USP15: variants seen among roughly 807,000 people sequenced by gnomAD.
USP15 encodes ubiquitin specific peptidase 15.
Under a neutral mutation model 127.1 loss-of-function variants are expected in USP15, and 18 were observed. That is an observed-to-expected ratio of 0.14 (90% CI 0.10 to 0.21). The LOEUF is 0.21. Among genes scored for constraint, USP15 ranks in the 10% least tolerant of loss-of-function variants. The pLI, the probability that USP15 is intolerant of heterozygous loss-of-function variation, is 1.00. For synonymous variants in USP15, 364 were observed against 393.7 expected (o/e 0.92, Z 0.89); for missense variants, 805 against 1,159.9 (o/e 0.69, Z 4.44).
At chr12:62,282,816 G>A (rs1241414316) in intron 1 of USP15, among the ~76,000 whole-genome samples, 2 of 152,160 alleles carry the variant, frequency 1.3e-5, no homozygotes, top group Admixed American at 6.5e-5. Context: ...GGAGGCTACT[G>A]TATAACTGTA....
chr12:62,406,582 A>G lies in USP15; in HGVS notation c.*2207A>G, dbSNP rs2137691681. On this transcript the variant is annotated 3_prime_UTR_variant, in exon 22 of 22. Transcript: ENST00000280377. ...AAGTGATGTTAATAATGCCATTGAA[A>G]CTGCCAAACTCAAATGTCATTTTTC... 6.6e-6 allele frequency: 1 copy of G among 152,336 alleles called. No individual in the cohort carries two copies. The highest frequency in any genetic ancestry group is 1.9e-4 in the East Asian group (1 of 5,184). 9.4% of individuals were successfully genotyped at this position (152,336 alleles called of 1,614,324 possible). A position where few individuals can be genotyped will look rare whatever the true frequency, so the allele number is the denominator to read the frequency against.
intron 1 of USP15, among the ~76,000 whole-genome samples, chr12:62,272,116 T>C (rs1186978972): frequency 6.6e-6 from 1 of 151,822 alleles, no homozygotes; most frequent in Non-Finnish European, 1.5e-5. Flanking sequence ...TGCCAGTATC[T>C]CCTTAGTGTT....
chr12:62,346,739 C>A (rs1170639674), intron 6 of USP15, among the ~76,000 whole-genome samples: 1 of 152,190 alleles, frequency 6.6e-6, no homozygotes, highest in African/African-American at 2.4e-5. Context: ...TGCTCCAGCA[C>A]AATTGGATAA....
chr12:62,301,737 C>T (rs2064327821), intron 2 of USP15, among the ~76,000 whole-genome samples: 1 of 152,148 alleles, frequency 6.6e-6, no homozygotes, highest in Non-Finnish European at 1.5e-5. Context: ...CTTAATCCCT[C>T]AGGTTTTTTC....
chr12:62,323,779 G>A (rs1198518732), intron 5 of USP15, among the ~76,000 whole-genome samples: 1 of 152,044 alleles, frequency 6.6e-6, no homozygotes, highest in Non-Finnish European at 1.5e-5. Flanking sequence ...TTTTCATCGT[G>A]TACATTAGAA....
chr12:62,374,137 G>A (rs1165542582), intron 8 of USP15, among the ~76,000 whole-genome samples: 1 of 151,912 alleles, frequency 6.6e-6, no homozygotes, highest in Non-Finnish European at 1.5e-5. Context: ...GAAAAAAACT[G>A]TTTAAAGGTA....
intron 19 of USP15, among the ~76,000 whole-genome samples, chr12:62,394,955 A>G (rs1238620640): frequency 4.6e-5 from 7 of 152,246 alleles, no homozygotes; most frequent in Admixed American, 6.5e-5. Flanking sequence ...AAATACAAGA[A>G]GAACAACCAG....
chr12:62,327,758 G>T (rs150795354), intron 6 of USP15: 26 of 374,734 alleles, frequency 6.9e-5, no homozygotes, highest in African/African-American at 4.8e-4. Flanking sequence ...CCATACTCAT[G>T]CAATAAATAT....
intron 13 of USP15, 48 bp downstream of exon 13, chr12:62,389,747 T>C: frequency 6.3e-7 from 1 of 1,598,768 alleles, no homozygotes; most frequent in South Asian, 1.1e-5. Flanking sequence ...AAAAAATTAA[T>C]AGAAGTAACA....
At chr12:62,296,856 A>G (rs1403554546) in intron 2 of USP15, among the ~76,000 whole-genome samples, 1 of 152,228 alleles carries the variant, frequency 6.6e-6, no homozygotes, top group Non-Finnish European at 1.5e-5. Flanking sequence ...GAGGGAGATC[A>G]CGTGCTTAAT....
intron 6 of USP15, among the ~76,000 whole-genome samples, chr12:62,327,076 G>A (rs986548881): frequency 3.2e-4 from 49 of 152,096 alleles, no homozygotes; most frequent in Non-Finnish European, 7.4e-5. Context: ...GTTGCAGTGA[G>A]CTGAGATCGT....
chr12:62,397,772 A>G (rs1176707789), intron 20 of USP15, among the ~76,000 whole-genome samples: 2 of 150,592 alleles, frequency 1.3e-5, no homozygotes, highest in East Asian at 4.0e-4. Context: ...TAGGAGAATC[A>G]CTTGAACCAG....
At chr12:62,363,050 G>T (rs2066363555) in intron 8 of USP15, among the ~76,000 whole-genome samples, 1 of 152,136 alleles carries the variant, frequency 6.6e-6, no homozygotes, top group African/African-American at 2.4e-5. Context: ...GAGTTTGAAG[G>T]AGTAGGCAAA....
chr12:62,265,134 A>G (rs1291261940), intron 1 of USP15, among the ~76,000 whole-genome samples: 4 of 152,186 alleles, frequency 2.6e-5, no homozygotes, highest in East Asian at 1.9e-4. Context: ...GAGCTAGTCA[A>G]TGATTTCGTT....
intron 7 of USP15, 66 bp downstream of exon 7, chr12:62,349,373 T>C: frequency 9.3e-7 from 1 of 1,071,048 alleles, no homozygotes; most frequent in East Asian, 3.1e-5. Context: ...AAAAAATCTC[T>C]TGTATCTAAA....
intron 20 of USP15, among the ~76,000 whole-genome samples, chr12:62,399,448 T>C (rs1026791464): frequency 1.3e-5 from 2 of 152,166 alleles, no homozygotes; most frequent in Non-Finnish European, 2.9e-5. Flanking sequence ...GCAATAAGAC[T>C]CTGATTCAGG....
intron 3 of USP15, 163 bp downstream of exon 3, chr12:62,303,083 G>A (rs2064364311): frequency 2.1e-5 from 15 of 709,526 alleles, no homozygotes; most frequent in Admixed American, 3.0e-5. Flanking sequence ...ATGTTAAGAA[G>A]GTTTACTTAT....
intron 1 of USP15, among the ~76,000 whole-genome samples, chr12:62,291,126 G>A (rs192859199): frequency 3.9e-4 from 60 of 152,230 alleles, no homozygotes; most frequent in African/African-American, 1.3e-3. Context: ...TACTCTGGAT[G>A]TCTAGATCAC....
At chr12:62,328,376 C>A in intron 6 of USP15, 1 of 422,628 alleles carries the variant, frequency 2.4e-6, no homozygotes, top group Non-Finnish European at 4.8e-6. Flanking sequence ...CAAGACATGG[C>A]AATGCCTGTG....
Sources: gnomAD v4.1 joint callset for allele counts (sites outside exome capture counted in the v4.1 genomes callset) on GRCh38, gnomAD v4.1.1 for gene constraint, MANE v1.5 for transcripts, NCBI Gene and HGNC (gene_info 2026-07-23, HGNC 2026-07-21) for gene names.